NCAM2: variants seen among roughly 807,000 people sequenced by gnomAD.
NCAM2 encodes the protein neural cell adhesion molecule 2, also known as N-CAM-2.
A neutral mutation model predicts 98.1 loss-of-function variants in NCAM2; 30 were observed. The ratio of observed to expected loss-of-function variants is 0.31; its 90% CI spans 0.23 to 0.41. The LOEUF is 0.41. NCAM2 is among the 10% of genes least tolerant of loss of function. The pLI is 1.00. For synonymous variants in NCAM2, 368 were observed against 342.4 expected (o/e 1.07, Z -0.83); for missense variants, 867 against 1,005.8 (o/e 0.86, Z 1.87).
intron 1 of NCAM2, among the ~76,000 whole-genome samples, chr21:21,131,725 A>AATGAG (rs1424175987): frequency 1.3e-5 from 2 of 152,218 alleles, no homozygotes; most frequent in Non-Finnish European, 2.9e-5. Flanking sequence ...CTACCTATAT[A>AATGAG]ATAGTGCTGT....
intron 14 of NCAM2, among the ~76,000 whole-genome samples, chr21:21,473,800 T>G (rs899541093): frequency 6.6e-6 from 1 of 151,628 alleles, no homozygotes; most frequent in African/African-American, 2.4e-5. Context: ...ATCACTTCCC[T>G]GTAGAGATGA....
intron 5 of NCAM2, among the ~76,000 whole-genome samples, chr21:21,294,532 C>A (rs1045671429): frequency 2.0e-5 from 3 of 151,778 alleles, no homozygotes; most frequent in African/African-American, 7.3e-5. Flanking sequence ...CATCTTTGCT[C>A]GGACATTGAT....
intron 1 of NCAM2, among the ~76,000 whole-genome samples, chr21:21,011,260 A>G (rs2064204967): frequency 6.6e-6 from 1 of 152,052 alleles, no homozygotes; most frequent in Non-Finnish European, 1.5e-5. Context: ...TTCATAAAAG[A>G]TATGTAGCAT....
At chr21:21,306,980 C>T (rs113132571) in intron 5 of NCAM2, among the ~76,000 whole-genome samples, 71 of 152,176 alleles carry the variant, frequency 4.7e-4, no homozygotes, top group African/African-American at 1.6e-3. Context: ...TTTCACTTAA[C>T]GTAATGATCT....
intron 8 of NCAM2, among the ~76,000 whole-genome samples, chr21:21,343,504 A>C (rs916513414): frequency 6.6e-6 from 1 of 152,172 alleles, no homozygotes; most frequent in Non-Finnish European, 1.5e-5. Flanking sequence ...TGAATAAACA[A>C]CACCAACAAA....
intron 9 of NCAM2, among the ~76,000 whole-genome samples, chr21:21,382,749 C>T (rs963644876): frequency 2.6e-5 from 4 of 151,946 alleles, no homozygotes; most frequent in Non-Finnish European, 5.9e-5. Flanking sequence ...CCAAGCTGGT[C>T]TCAGACTCCT....
At chr21:21,039,235 G>T (rs937315034) in intron 1 of NCAM2, among the ~76,000 whole-genome samples, 3 of 152,092 alleles carry the variant, frequency 2.0e-5, no homozygotes, top group African/African-American at 7.2e-5. Flanking sequence ...TCATTCTATG[G>T]TCTACCTTCA....
intron 1 of NCAM2, among the ~76,000 whole-genome samples, chr21:21,013,775 G>A (rs1320412384): frequency 2.4e-5 from 3 of 124,170 alleles, no homozygotes; most frequent in Admixed American, 9.1e-5. Flanking sequence ...GAGTGAAACT[G>A]CATCTCAAAA....
intron 1 of NCAM2, among the ~76,000 whole-genome samples, chr21:21,159,172 A>G (rs552648181): frequency 4.6e-5 from 7 of 152,348 alleles, no homozygotes; most frequent in African/African-American, 1.7e-4. Flanking sequence ...GGATATAAAT[A>G]AAAAATATCT....
chr21:21,247,083 G>T (rs2071301229), intron 1 of NCAM2, among the ~76,000 whole-genome samples: 1 of 151,876 alleles, frequency 6.6e-6, no homozygotes, highest in Non-Finnish European at 1.5e-5. Context: ...ACTTTGGGAG[G>T]CTGAGGCGGG....
intron 1 of NCAM2, among the ~76,000 whole-genome samples, chr21:21,037,354 C>G (rs2146246698): frequency 6.6e-6 from 1 of 151,826 alleles, no homozygotes; most frequent in Admixed American, 6.6e-5. Context: ...AATTTTATAC[C>G]CATAGTTTTC....
chr21:21,208,150 A>G (rs1353132990), intron 1 of NCAM2, among the ~76,000 whole-genome samples: 1 of 152,212 alleles, frequency 6.6e-6, no homozygotes, highest in Non-Finnish European at 1.5e-5. Flanking sequence ...ATCAGTTGCT[A>G]GAAAGAATTT....
intron 1 of NCAM2, among the ~76,000 whole-genome samples, chr21:21,256,720 A>G (rs2071688320): frequency 6.6e-6 from 1 of 152,230 alleles, no homozygotes; most frequent in African/African-American, 2.4e-5. Context: ...TACATATATT[A>G]TAGTTTGTAA....
At chr21:21,270,127 T>C (rs1173630986) in intron 1 of NCAM2, among the ~76,000 whole-genome samples, 1 of 152,206 alleles carries the variant, frequency 6.6e-6, no homozygotes. Context: ...TAAAAAAATC[T>C]TACACTATGT....
At chr21:21,041,768 GTGTA>G (rs2064910045) in intron 1 of NCAM2, among the ~76,000 whole-genome samples, 1 of 152,202 alleles carries the variant, frequency 6.6e-6, no homozygotes, top group Non-Finnish European at 1.5e-5. Flanking sequence ...CAAGAGAAAA[GTGTA>G]TGTGTGTGTC....
At chr21:21,160,072 A>G (rs1165600660) in intron 1 of NCAM2, among the ~76,000 whole-genome samples, 1 of 151,794 alleles carries the variant, frequency 6.6e-6, no homozygotes, top group Non-Finnish European at 1.5e-5. Flanking sequence ...AGACTCCTGA[A>G]GTTTTGATTT....
chr21:21,305,747 C>T (rs1023285653), intron 5 of NCAM2, among the ~76,000 whole-genome samples: 1 of 151,964 alleles, frequency 6.6e-6, no homozygotes, highest in Non-Finnish European at 1.5e-5. Flanking sequence ...ATTTTATCAG[C>T]GTGCCATCTG....
chr21:21,194,427 C>CT (rs1218527095), intron 1 of NCAM2, among the ~76,000 whole-genome samples: 6 of 152,030 alleles, frequency 3.9e-5, no homozygotes, highest in African/African-American at 1.4e-4. Flanking sequence ...AACTCATATA[C>CT]TTTTATTTTA....
chr21:21,501,563 CTATTT>C (rs1429926771), intron 15 of NCAM2, among the ~76,000 whole-genome samples: 5 of 149,534 alleles, frequency 3.3e-5, no homozygotes, highest in Middle Eastern at 3.2e-3. Flanking sequence ...TGGTTCTGCA[CTATTT>C]TATTAGACAG....
Sources: allele counts gnomAD v4.1 joint callset (sites outside exome capture counted in the v4.1 genomes callset), GRCh38; gene constraint gnomAD v4.1.1; transcripts MANE v1.5; gene names NCBI Gene and HGNC (gene_info 2026-07-23, HGNC 2026-07-21).